OSBPL1A: variants seen among roughly 807,000 people sequenced by gnomAD.
OSBPL1A encodes oxysterol-binding protein-related protein 1.
OSBPL1A carries 80 observed loss-of-function variants against 137.1 expected under a neutral mutation model. The observed-to-expected ratio is 0.58, with a 90% CI of 0.49 to 0.70. OSBPL1A has a LOEUF of 0.70. Among genes scored for constraint, OSBPL1A ranks in the 30% least tolerant of loss-of-function variants. The pLI, the probability that OSBPL1A is intolerant of heterozygous loss-of-function variation, is 0.00. For synonymous variants in OSBPL1A, 365 were observed against 389.7 expected, an observed-to-expected ratio of 0.94 and a Z score of 0.75; for missense variants, 970 against 1,129.4, an observed-to-expected ratio of 0.86 and a Z score of 2.02.
intron 16 of OSBPL1A, among the ~76,000 whole-genome samples, chr18:24,236,746 C>A (rs2146004399): frequency 6.6e-6 from 1 of 152,288 alleles, no homozygotes; most frequent in Non-Finnish European, 1.5e-5. Flanking sequence ...CTCAACACAG[C>A]AATCCACAAA....
At chr18:24,199,633 G>A (rs2087155173) in intron 17 of OSBPL1A, among the ~76,000 whole-genome samples, 1 of 152,160 alleles carries the variant, frequency 6.6e-6, no homozygotes, top group Non-Finnish European at 1.5e-5. Context: ...CGACCTATTA[G>A]ACATTACCTC....
At chr18:24,251,458 C>G (rs925791096) in intron 15 of OSBPL1A, among the ~76,000 whole-genome samples, 2 of 152,216 alleles carry the variant, frequency 1.3e-5, no homozygotes, top group African/African-American at 4.8e-5. Flanking sequence ...GAACAAGAGT[C>G]TCTGCCTGGT....
At chr18:24,196,246 T>C in intron 17 of OSBPL1A, 46 bp from the exon 18 acceptor site, 5 of 1,353,936 alleles carry the variant, frequency 3.7e-6, no homozygotes, top group Non-Finnish European at 4.2e-6. Flanking sequence ...AATGCCATTG[T>C]CAGCAGGAGG....
chr18:24,360,688 G>A (rs377349699), intron 4 of OSBPL1A, among the ~76,000 whole-genome samples: 1 of 152,256 alleles, frequency 6.6e-6, no homozygotes, highest in Admixed American at 6.5e-5. Context: ...ATGTCTGTTG[G>A]AGTTCACATG....
intron 12 of OSBPL1A, 45 bp downstream of exon 12, chr18:24,314,204 A>G: frequency 4.6e-6 from 6 of 1,309,736 alleles, no homozygotes; most frequent in Non-Finnish European, 6.4e-6. Flanking sequence ...GTGTCTTTAA[A>G]TGTTCTGTAA....
At chr18:24,280,714 A>C in intron 15 of OSBPL1A, 128 bp downstream of exon 15, 2 of 514,236 alleles carry the variant, frequency 3.9e-6, no homozygotes, top group Non-Finnish European at 6.4e-6. Context: ...TTTGTGACAA[A>C]TGAAGCTTTC....
At chr18:24,337,853 T>A (rs2091202152) in intron 5 of OSBPL1A, among the ~76,000 whole-genome samples, 1 of 151,756 alleles carries the variant, frequency 6.6e-6, no homozygotes, top group Non-Finnish European at 1.5e-5. Flanking sequence ...TCCTTGTTCT[T>A]AAGAGATACT....
In OSBPL1A at chr18:24,336,829, C is replaced by T. The variant is rs571271649; in HGVS notation, c.395-2499G>A. On this transcript the variant is annotated intron_variant, in intron 5 of 27. Coordinates refer to ENST00000319481, the MANE Select transcript of OSBPL1A (RefSeq NM_080597.4). The stretch of plus-strand genomic sequence containing the variant: ...ATATATTTCATTCATGATAGCAAAA[C>T]ATTACTTTGCAACCACTAGAGTAAT... 3.3e-5 allele frequency among the ~76,000 whole-genome samples: 5 copies of T among 152,280 alleles called. No homozygotes were observed. In the East Asian group the frequency reaches 5.8e-4, roughly 18 times the overall value.
chr18:24,315,685 G>C (rs1211392112), intron 11 of OSBPL1A, among the ~76,000 whole-genome samples: 1 of 116,516 alleles, frequency 8.6e-6, no homozygotes, highest in African/African-American at 3.3e-5. Context: ...ATATAATAAA[G>C]TATATTATAT....
intron 15 of OSBPL1A, among the ~76,000 whole-genome samples, chr18:24,257,164 TA>T (rs1433057181): frequency 6.6e-6 from 1 of 151,984 alleles, no homozygotes; most frequent in East Asian, 1.9e-4. Context: ...GGACCCAAAA[TA>T]GCCAAAAGTA....
At chr18:24,282,803 TAA>T (rs2089985396) in intron 14 of OSBPL1A, among the ~76,000 whole-genome samples, 1 of 152,130 alleles carries the variant, frequency 6.6e-6, no homozygotes, top group African/African-American at 2.4e-5. Flanking sequence ...CAAGATTTGT[TAA>T]AAGACACAAG....
At chr18:24,378,176 T>C (rs574511681) in intron 1 of OSBPL1A, among the ~76,000 whole-genome samples, 10 of 152,114 alleles carry the variant, frequency 6.6e-5, no homozygotes, top group East Asian at 1.9e-4. Flanking sequence ...ATATTACAAA[T>C]AGCAATTCCC....
intron 15 of OSBPL1A, among the ~76,000 whole-genome samples, chr18:24,277,689 T>G (rs2089874275): frequency 6.6e-6 from 1 of 152,218 alleles, no homozygotes; most frequent in Non-Finnish European, 1.5e-5. Flanking sequence ...AAAAAGGTAT[T>G]ACAGCACATA....
chr18:24,215,215 T>C (rs929284220), intron 17 of OSBPL1A, among the ~76,000 whole-genome samples: 7 of 152,336 alleles, frequency 4.6e-5, no homozygotes, highest in African/African-American at 1.7e-4. Flanking sequence ...AGGTTTTTTT[T>C]CTGCTGAGAA....
At chr18:24,213,255 G>T (rs1384895540) in intron 17 of OSBPL1A, among the ~76,000 whole-genome samples, 1 of 152,100 alleles carries the variant, frequency 6.6e-6, no homozygotes, top group African/African-American at 2.4e-5. Context: ...CAATGACTTG[G>T]TTTCCTATTT....
At chr18:24,325,095 A>AAAAGAAAGAAAG (rs111995094) in intron 7 of OSBPL1A, among the ~76,000 whole-genome samples, 8 of 151,736 alleles carry the variant, frequency 5.3e-5, no homozygotes, top group African/African-American at 1.9e-4. Flanking sequence ...CGAAACAAAA[A>AAAAGAAAGAAAG]AAAGAAAGAA....
intron 20 of OSBPL1A, chr18:24,179,347 G>A (rs2086534182): frequency 6.1e-6 from 1 of 162,634 alleles, no homozygotes; most frequent in Non-Finnish European, 1.3e-5. Flanking sequence ...GTTAAATGAC[G>A]AGTTAATGGG....
At chr18:24,190,158 T>C (rs2086850558) in intron 18 of OSBPL1A, among the ~76,000 whole-genome samples, 1 of 152,004 alleles carries the variant, frequency 6.6e-6, no homozygotes, top group Non-Finnish European at 1.5e-5. Flanking sequence ...TACACAGGAA[T>C]GTGGAGAAAC....
chr18:24,335,540 A>C (rs1485113152), intron 5 of OSBPL1A, among the ~76,000 whole-genome samples: 1 of 152,230 alleles, frequency 6.6e-6, no homozygotes, highest in African/African-American at 2.4e-5. Flanking sequence ...GCTAGATCTG[A>C]ATTCTATTTT....
Sources: allele counts gnomAD v4.1 joint callset (sites outside exome capture counted in the v4.1 genomes callset), GRCh38; gene constraint gnomAD v4.1.1; transcripts MANE v1.5; gene names NCBI Gene and HGNC (gene_info 2026-07-23, HGNC 2026-07-21).